Variants in ZNF398 observed in about 807,000 individuals in gnomAD.
ZNF398 encodes zinc finger protein 398.
ZNF398 carries 18 observed loss-of-function variants against 41.9 expected under a neutral mutation model. The ratio of observed to expected loss-of-function variants is 0.43; its 90% CI spans 0.30 to 0.64. ZNF398 has a LOEUF of 0.64. Among genes scored for constraint, ZNF398 ranks in the 30% least tolerant of loss-of-function variants. ZNF398 has a pLI of 0.14. For missense variants in ZNF398, 669 were observed against 822.8 expected (o/e 0.81, Z 2.29); for synonymous variants, 260 against 308.8 (o/e 0.84, Z 1.66).
intron 2 of ZNF398, among the ~76,000 whole-genome samples, chr7:149,131,538 T>C (rs1294831492): frequency 2.6e-5 from 4 of 151,958 alleles, no homozygotes; most frequent in Non-Finnish European, 5.9e-5. Flanking sequence ...ATACAGAAAT[T>C]AGCTGGGTGT....
At chr7:149,130,499 G>A (rs1159147988) in intron 2 of ZNF398, among the ~76,000 whole-genome samples, 3 of 152,154 alleles carry the variant, frequency 2.0e-5, no homozygotes, top group South Asian at 4.1e-4. Context: ...ACCCAGGAGT[G>A]GGACTGCTGA....
At chr7:149,175,607 AGT>A in intron 4 of ZNF398, among the ~76,000 whole-genome samples, 1 of 152,194 alleles carries the variant, frequency 6.6e-6, no homozygotes, top group Non-Finnish European at 1.5e-5. Flanking sequence ...GAATCTGAAA[AGT>A]GTGTTTCTAG....
At chr7:149,143,694 C>T (rs1426517729), upstream of ZNF398, among the ~76,000 whole-genome samples, 9 of 152,148 alleles carry the variant, frequency 5.9e-5, no homozygotes, top group Admixed American at 1.3e-4. Context: ...TGCCTGTAAT[C>T]CCAGCTACTT....
chr7:149,155,734 T>TTTTTTTTATTA (rs1794961953), intron 2 of ZNF398, among the ~76,000 whole-genome samples: 3 of 110,654 alleles, frequency 2.7e-5, no homozygotes, highest in African/African-American at 1.2e-4. Flanking sequence ...TTTTTTAATT[T>TTTTTTTTATTA]TTTTTTTTTT....
chr7:149,163,498 A>G (rs1246893802), intron 2 of ZNF398, among the ~76,000 whole-genome samples: 1 of 151,094 alleles, frequency 6.6e-6, no homozygotes, highest in Non-Finnish European at 1.5e-5. Flanking sequence ...TCAGCCTCCC[A>G]GGTAGTTGGG....
chr7:149,161,645 AG>A (rs566277445), intron 2 of ZNF398, among the ~76,000 whole-genome samples: 81 of 152,352 alleles, frequency 5.3e-4, no homozygotes, highest in African/African-American at 1.9e-3. Flanking sequence ...CAAGCATACA[AG>A]GTGGCAGGAT....
intron 2 of ZNF398, among the ~76,000 whole-genome samples, chr7:149,132,037 A>T (rs1487808218): frequency 6.6e-6 from 1 of 152,164 alleles, no homozygotes; most frequent in Non-Finnish European, 1.5e-5. Flanking sequence ...ATTGCTTTTG[A>T]TGAATCTTAC....
Position 149,180,421 on chromosome 7 carries a change from T to G in ZNF398, c.*620T>G, listed in dbSNP as rs1181672269. ...TCTTAGATTAATTATTCACATAAAT[T>G]TTGTTTAATATTGGTTGAACAAGAA... is the stretch of plus-strand genomic sequence containing the variant. On this transcript the variant is annotated 3_prime_UTR_variant, in exon 6 of 6. Coordinates refer to ENST00000475153, the MANE Select transcript of ZNF398 (RefSeq NM_170686.3). The G allele has an allele frequency of 1.3e-5, 2 of 152,218 alleles. No individual in the cohort carries two copies. The highest frequency in any genetic ancestry group is 2.9e-5 in the Non-Finnish European group (2 of 68,040). 9.4% of individuals were successfully genotyped at this position (152,218 alleles called of 1,614,324 possible).
intron 2 of ZNF398, among the ~76,000 whole-genome samples, chr7:149,141,401 T>C (rs1826820690): frequency 6.6e-6 from 1 of 151,182 alleles, no homozygotes; most frequent in Non-Finnish European, 1.5e-5. Flanking sequence ...GTTCAAGCGA[T>C]TCTTCCATCT....
chr7:149,158,358 G>T, intron 2 of ZNF398, among the ~76,000 whole-genome samples: 1 of 152,248 alleles, frequency 6.6e-6, no homozygotes, highest in East Asian at 1.9e-4. Context: ...TTTGAAGAGT[G>T]AATGCGAAGA....
intron 1 of ZNF398, chr7:149,148,415 C>T (rs1459821598): frequency 1.0e-6 from 1 of 985,420 alleles, no homozygotes; most frequent in East Asian, 1.1e-4. Context: ...CTGCACGCAG[C>T]CCCGTAGAAT....
chr7:149,147,586 C>T lies in ZNF398; in HGVS notation c.-157C>T, dbSNP rs1826982104. 3.6e-6 allele frequency: 3 copies of T among 837,976 alleles called. No homozygotes were observed. The highest frequency in any genetic ancestry group is 4.7e-6 in the Non-Finnish European group (3 of 642,382). The allele number at this position is 837,976 out of a possible 1,614,324, so 51.9% of individuals were successfully genotyped here. ...CCGCGTTCCTGCGCGTCCCGAGCCC[C>T]GACGGCCGCGTGAGTCCCGTCCGTG... On this transcript the variant is annotated 5_prime_UTR_variant, in exon 1 of 6. Transcript: ENST00000475153. This position sits in a 1 kb window ranked among gnomAD's most constrained non-coding sequence, Gnocchi z 5.6.
chr7:149,167,622 T>C (rs998093545), intron 4 of ZNF398, among the ~76,000 whole-genome samples: 1 of 151,574 alleles, frequency 6.6e-6, no homozygotes, highest in Non-Finnish European at 1.5e-5. Flanking sequence ...GTTATTTTTT[T>C]CTTTTTCTTT....
intron 4 of ZNF398, among the ~76,000 whole-genome samples, chr7:149,170,730 A>G (rs1289675215): frequency 6.6e-6 from 1 of 151,664 alleles, no homozygotes; most frequent in East Asian, 1.9e-4. Context: ...GCGAGACTCC[A>G]TCTCAAAAAA....
At position 149,171,811 on chromosome 7, in the gene ZNF398, G is replaced by A. The variant is rs557649545; in HGVS notation, c.662-4657G>A. On this transcript the variant is annotated intron_variant, in intron 4 of 5. Coordinates refer to ENST00000475153, the MANE Select transcript of ZNF398 (RefSeq NM_170686.3). ...CCTCAGCCTCCCAAATAGCCTGTAGGCTCAAACCACCACACCTGGCTAATT... is the reference window on the plus strand; with the variant it reads ...CCTCAGCCTCCCAAATAGCCTGTAGACTCAAACCACCACACCTGGCTAATT... Among the ~76,000 whole-genome samples, 11 of 152,204 alleles carry A rather than the reference G, an allele frequency of 7.2e-5. No individual in the cohort carries two copies. In the East Asian group the frequency reaches 1.9e-3, roughly 27 times the overall value.
intron 2 of ZNF398, among the ~76,000 whole-genome samples, chr7:149,135,539 A>G (rs755504416): frequency 6.6e-6 from 1 of 151,910 alleles, no homozygotes; most frequent in South Asian, 2.1e-4. Flanking sequence ...GGGATAGAAG[A>G]CTACACACTG....
chr7:149,144,063 C>T (rs573085155), upstream of ZNF398, among the ~76,000 whole-genome samples: 1 of 152,240 alleles, frequency 6.6e-6, no homozygotes, highest in South Asian at 2.1e-4. Flanking sequence ...AATGCCAGTA[C>T]CATCCAAAGA....
At chr7:149,130,129 T>C (rs1826569202) in intron 2 of ZNF398, among the ~76,000 whole-genome samples, 1 of 151,754 alleles carries the variant, frequency 6.6e-6, no homozygotes, top group East Asian at 1.9e-4. Flanking sequence ...GGAGTCTCAC[T>C]CTGTTGCCCA....
At chr7:149,157,942 G>A (rs891849739) in intron 2 of ZNF398, among the ~76,000 whole-genome samples, 28 of 152,012 alleles carry the variant, frequency 1.8e-4, no homozygotes, top group Non-Finnish European at 4.0e-4. Flanking sequence ...GCTCATGGTG[G>A]CAGGCGCCTG....
Sources: allele counts gnomAD v4.1 joint callset (sites outside exome capture counted in the v4.1 genomes callset), GRCh38; gene constraint gnomAD v4.1.1; non-coding constraint Gnocchi (gnomAD v3.1); transcripts MANE v1.5; gene names NCBI Gene and HGNC (gene_info 2026-07-23, HGNC 2026-07-21).